TMED7: variants seen among roughly 807,000 people sequenced by gnomAD.
TMED7 encodes transmembrane emp24 domain-containing protein 7.
TMED7 carries 8 observed loss-of-function variants against 23.4 expected under a neutral mutation model. That is an observed-to-expected ratio of 0.34 (90% confidence interval 0.20 to 0.62). TMED7 has a LOEUF of 0.62. Among genes scored for constraint, TMED7 ranks in the 20% least tolerant of loss-of-function variants. The probability of loss-of-function intolerance (pLI) is 0.77; values close to 1 mark genes in which losing one functional copy is unlikely to be tolerated. For missense variants in TMED7, 232 were observed against 279.1 expected (o/e 0.83, Z 1.20); for synonymous variants, 121 against 108.5 (o/e 1.12, Z -0.72).
At chr5:115,622,399 C>T (rs560976061) in intron 1 of TMED7, among the ~76,000 whole-genome samples, 3 of 152,278 alleles carry the variant, frequency 2.0e-5, no homozygotes, top group Non-Finnish European at 2.9e-5. Flanking sequence ...CATCGCATTC[C>T]GAAACCACAA....
intron 1 of TMED7, among the ~76,000 whole-genome samples, chr5:115,623,673 G>A (rs1159551996): frequency 6.6e-6 from 1 of 152,114 alleles, no homozygotes; most frequent in African/African-American, 2.4e-5. Context: ...TCTGCCTGGG[G>A]CCCCTTCTTC....
At chr5:115,622,566 G>A (rs1580457926) in intron 1 of TMED7, among the ~76,000 whole-genome samples, 2 of 152,208 alleles carry the variant, frequency 1.3e-5, no homozygotes, top group Admixed American at 6.5e-5. Flanking sequence ...ACTGTGACAC[G>A]TTAAACAGCA....
rs1298669163 is a variant in TMED7, at chr5:115,616,242, ATC to A, written c.640_641del (p.Asp214Ter). The part of the protein sequence containing the change: ...QVFLLKSFFS[D>X]KRTTTTRVGS ...CAACACGAGTTGTGGTGGTTCTTTT[ATC>A]TGAGAAAAAGCTTTTCAAAAGAAAT... On this transcript the variant is annotated frameshift_variant, in exon 3 of 3. Transcript: ENST00000456936. LOFTEE classifies it high-confidence loss of function. 9.3e-6 allele frequency: 15 copies of A among 1,614,148 alleles called. No individual in the cohort carries two copies. The highest frequency in any genetic ancestry group is 1.3e-5 in the Non-Finnish European group (15 of 1,179,988).
chr5:115,617,560 T>C (rs1756823857), intron 2 of TMED7, among the ~76,000 whole-genome samples: 1 of 151,466 alleles, frequency 6.6e-6, no homozygotes, highest in Admixed American at 6.6e-5. Context: ...AAATGATTCC[T>C]AATTTGTGAT....
Position 115,613,495 on chromosome 5 carries a change from A to C in TMED7, c.*2714T>G, listed in dbSNP as rs372832334. ...GATTTAAATCCTGACAGAAACAAGT[A>C]AAGTCAGTTTGTTGAAAGATTTTTT... On this transcript the variant is annotated 3_prime_UTR_variant, in exon 3 of 3. Transcript: ENST00000456936. 127 of 152,324 alleles carry C rather than the reference A, an allele frequency of 8.3e-4. No homozygotes were observed. Among genetic ancestry groups the C allele is most frequent in the Middle Eastern group, 3.4e-3 (1 of 294 alleles). 9.4% of individuals were successfully genotyped at this position (152,324 alleles called of 1,614,324 possible). A position where few individuals can be genotyped will look rare whatever the true frequency, so the allele number is the denominator to read the frequency against.
At position 115,621,735 on chromosome 5, in the gene TMED7, AAG is replaced by A. The variant is rs151305108; in HGVS notation, c.193-1057_193-1056del. On this transcript the variant is annotated intron_variant, in intron 1 of 2. Transcript: ENST00000456936. ...CATGAGAAAGAACTGAGTAGGAAGA[AAG>A]AGGGAGTGCAGAGAGGTGAACAGAG... Among the ~76,000 whole-genome samples, 740 of 152,334 alleles carry A rather than the reference AAG, an allele frequency of 4.9e-3. 4 individuals are homozygous for A. Among genetic ancestry groups the A allele is most frequent in the African/African-American group, 0.017 (696 of 41,572 alleles).
chr5:115,624,921 G>C (rs1407867347), intron 1 of TMED7, among the ~76,000 whole-genome samples: 1 of 152,144 alleles, frequency 6.6e-6, no homozygotes, highest in African/African-American at 2.4e-5. Flanking sequence ...TATCTGTTTC[G>C]ACCACTTCTG....
chr5:115,618,072 G>C (rs1429251867), intron 2 of TMED7, among the ~76,000 whole-genome samples: 1 of 152,168 alleles, frequency 6.6e-6, no homozygotes, highest in Non-Finnish European at 1.5e-5. Flanking sequence ...GATTACAGGC[G>C]TAAGCCACCA....
At chr5:115,622,807 T>C (rs1757078751) in intron 1 of TMED7, among the ~76,000 whole-genome samples, 1 of 152,198 alleles carries the variant, frequency 6.6e-6, no homozygotes, top group Admixed American at 6.5e-5. Flanking sequence ...ACCTCTTTTA[T>C]TCACACCCTT....
intron 1 of TMED7, among the ~76,000 whole-genome samples, chr5:115,624,428 T>C (rs754240090): frequency 6.6e-6 from 1 of 152,180 alleles, no homozygotes. Context: ...TAGACCACCA[T>C]AATAACCTCC....
chr5:115,619,052 G>A (rs1172717135), intron 2 of TMED7: 2 of 151,918 alleles, frequency 1.3e-5, no homozygotes, highest in South Asian at 2.1e-4. Flanking sequence ...AAATAAGACT[G>A]AGAAAAATAA....
chr5:115,620,621 C>T lies in TMED7; in HGVS notation c.252G>A (p.Val84=), dbSNP rs756212698. ...ACTGTTTCTTCATCTCTTTGTATAA[C>T]ACTTTACCATCAGGATCTTCTAATC... ...DCRLEDPDGK[V]LYKEMKKQYD... is the part of the protein sequence containing the mutation. Residue 84 remains valine (V), a synonymous_variant, in exon 2 of 3, where the codon GTG becomes GTA. Transcript: ENST00000456936. 6 of 1,586,938 alleles carry T rather than the reference C, an allele frequency of 3.8e-6. No individual in the cohort carries two copies. The highest frequency in any genetic ancestry group is 5.1e-6 in the Non-Finnish European group (6 of 1,167,880).
chr5:115,624,150 A>C (rs1420566830), intron 1 of TMED7, among the ~76,000 whole-genome samples: 1 of 152,204 alleles, frequency 6.6e-6, no homozygotes, highest in Non-Finnish European at 1.5e-5. Flanking sequence ...ATACACAAAA[A>C]TCCAGGAAAT....
intron 2 of TMED7, 126 bp downstream of exon 2, chr5:115,620,309 T>C: frequency 7.9e-7 from 1 of 1,260,316 alleles, no homozygotes; most frequent in Non-Finnish European, 1.0e-6. Context: ...CATGTAAGAA[T>C]TAAGATAGAT....
At chr5:115,618,901 C>G (rs1471343428) in intron 2 of TMED7, among the ~76,000 whole-genome samples, 1 of 151,094 alleles carries the variant, frequency 6.6e-6, no homozygotes, top group Non-Finnish European at 1.5e-5. Flanking sequence ...TTCTGCATTA[C>G]TAGCTGGTAA....
At position 115,615,948 on chromosome 5, in the gene TMED7, T is replaced by C. The variant is rs1311480299; in HGVS notation, c.*261A>G. ...AAGTTTAGTGTGCGAAGAGTAGATA[T>C]AAACAACTGCGAACAGAGTAGATCA... On this transcript the variant is annotated 3_prime_UTR_variant, in exon 3 of 3. Transcript: ENST00000456936. 2 of 462,112 alleles carry C rather than the reference T, an allele frequency of 4.3e-6. No individual in the cohort carries two copies. The highest frequency in any genetic ancestry group is 7.8e-6 in the Non-Finnish European group (2 of 257,406). 28.6% of individuals were successfully genotyped at this position (462,112 alleles called of 1,614,324 possible).
chr5:115,617,589 G>A (rs975908523), intron 2 of TMED7, among the ~76,000 whole-genome samples: 1 of 110,896 alleles, frequency 9.0e-6, no homozygotes, highest in Non-Finnish European at 1.9e-5. Flanking sequence ...AGAGAGAGAT[G>A]TGCTTCTAGG....
At chr5:115,625,497 G>T in intron 1 of TMED7, 104 bp downstream of exon 1, 1 of 1,308,996 alleles carries the variant, frequency 7.6e-7, no homozygotes, top group Non-Finnish European at 9.9e-7. Context: ...TTTTGAATTA[G>T]CCTAAGAACG....
Position 115,620,467 on chromosome 5 carries a change from G to C in TMED7, c.406C>G (p.Pro136Ala). Residue 136 changes from proline (P) to alanine (A), a missense_variant, in exon 2 of 3, where the codon CCT becomes GCT. Transcript: ENST00000456936. ...FQVGEDPPLF[P>A]SENRVSALTQ... Reference sequence around the variant, plus strand: ...AGAGCACTGACTCGGTTCTCACTAGGAAACAAAGGTGGGTCTTCTCCAACT... The same window carrying C: ...AGAGCACTGACTCGGTTCTCACTAGCAAACAAAGGTGGGTCTTCTCCAACT... 6.4e-7 allele frequency: 1 copy of C among 1,568,814 alleles called. No individual in the cohort carries two copies. The highest frequency in any genetic ancestry group is 8.6e-7 in the Non-Finnish European group (1 of 1,158,530).
Sources: allele counts gnomAD v4.1 joint callset (sites outside exome capture counted in the v4.1 genomes callset), GRCh38; gene constraint gnomAD v4.1.1; transcripts MANE v1.5; gene names NCBI Gene and HGNC (gene_info 2026-07-23, HGNC 2026-07-21).